Variants in LAMB4 observed in about 807,000 individuals in gnomAD.
The protein encoded by LAMB4 is laminin subunit beta-4.
A neutral mutation model predicts 199.2 loss-of-function variants in LAMB4; 196 were observed. That is an observed-to-expected ratio of 0.98 (90% CI 0.88 to 1.11). The LOEUF is 1.11. LAMB4 is among the 50% of genes least tolerant of loss of function. The pLI is 0.00. For missense variants in LAMB4, 2,080 were observed against 2,171.2 expected (o/e 0.96, Z 0.83); for synonymous variants, 744 against 770.6 (o/e 0.97, Z 0.57).
intron 23 of LAMB4, among the ~76,000 whole-genome samples, chr7:108,058,592 G>A (rs147833535): frequency 1.8e-4 from 27 of 152,300 alleles, no homozygotes; most frequent in Non-Finnish European, 2.5e-4. Flanking sequence ...CAACAACTCC[G>A]TAAGTTTCCT....
chr7:108,024,214 A>G (rs1636945), intron 33 of LAMB4, 36 bp from the exon 34 acceptor site: 105,358 of 1,296,018 alleles, frequency 0.081, 13,663 homozygotes, highest in African/African-American at 0.59. Flanking sequence ...ATATATTTCC[A>G]TTTAATGGAT....
At chr7:108,030,737 G>T in intron 32 of LAMB4, 69 bp downstream of exon 32, 1 of 1,448,430 alleles carries the variant, frequency 6.9e-7, no homozygotes, top group Non-Finnish European at 9.6e-7. Flanking sequence ...CAAAAATCTG[G>T]GGTTAAAGAA....
intron 27 of LAMB4, 134 bp downstream of exon 27, chr7:108,049,192 C>A: frequency 4.2e-6 from 1 of 239,566 alleles, no homozygotes; most frequent in Non-Finnish European, 7.7e-6. Context: ...TTTTATATAC[C>A]TACATATATT....
chr7:108,067,888 A>T, intron 19 of LAMB4, 128 bp downstream of exon 19: 1 of 1,131,084 alleles, frequency 8.8e-7, no homozygotes, highest in Non-Finnish European at 1.3e-6. Flanking sequence ...TTATGTACAT[A>T]GATAGTCTGA....
chr7:108,068,015 C>A lies in LAMB4; in HGVS notation c.2446+1G>T. 2 of 1,614,158 alleles carry A rather than the reference C, an allele frequency of 1.2e-6. No individual in the cohort carries two copies. The highest frequency in any genetic ancestry group is 1.7e-6 in the Non-Finnish European group (2 of 1,180,010). Reference sequence around the variant, plus strand: ...TTCCCCTTGTGTGTTTTGCTACGTACGGTGACAGCCGTGATGCCCCAAATC... The same window carrying A: ...TTCCCCTTGTGTGTTTTGCTACGTAAGGTGACAGCCGTGATGCCCCAAATC... On this transcript the variant is annotated splice_donor_variant, in intron 19 of 33. Coordinates refer to ENST00000388781, the MANE Select transcript of LAMB4 (RefSeq NM_007356.3). LOFTEE classifies it high-confidence loss of function.
chr7:108,097,540 C>A (rs928190095), intron 11 of LAMB4, among the ~76,000 whole-genome samples: 10 of 151,986 alleles, frequency 6.6e-5, no homozygotes, highest in African/African-American at 2.2e-4. Context: ...AATCCCAGCA[C>A]TTTGGGAGGC....
Position 108,055,982 on chromosome 7 carries a change from G to T in LAMB4, c.3405C>A (p.Thr1135=). 6.2e-7 allele frequency: 1 copy of T among 1,613,590 alleles called. No homozygotes were observed. Among genetic ancestry groups the T allele is most frequent in the Non-Finnish European group, 8.5e-7 (1 of 1,179,684 alleles). ...CIPCDCNRAG[T]QKPICDPDTG... ...TGTCTGGATCACAGATGGGCTTCTG[G>T]GTACCTGCCCTGTTACAATCACATG... Residue 1135 remains threonine, a synonymous_variant, in exon 25 of 34, where the codon ACC becomes ACA. Transcript: ENST00000388781.
chr7:108,048,796 G>A (rs565365676), intron 27 of LAMB4, among the ~76,000 whole-genome samples: 86 of 152,254 alleles, frequency 5.6e-4, no homozygotes, highest in Non-Finnish European at 1.1e-3. Context: ...AGGTTCAAGC[G>A]ATTCTCCTGC....
At chr7:108,121,624 C>T (rs2038601513) in intron 2 of LAMB4, among the ~76,000 whole-genome samples, 2 of 151,902 alleles carry the variant, frequency 1.3e-5, no homozygotes, top group African/African-American at 4.8e-5. Flanking sequence ...GGTGGGAGCA[C>T]CTGTAATCCC....
chr7:108,039,878 C>T (rs186943861), intron 29 of LAMB4, among the ~76,000 whole-genome samples: 1 of 152,296 alleles, frequency 6.6e-6, no homozygotes, highest in East Asian at 1.9e-4. Context: ...CCTCTCTTAC[C>T]ACTCCTGTTC....
chr7:108,057,788 C>T (rs1173272769), intron 24 of LAMB4, 44 bp downstream of exon 24: 4 of 1,279,108 alleles, frequency 3.1e-6, no homozygotes, highest in Non-Finnish European at 4.6e-6. Flanking sequence ...ATGGTAGGGC[C>T]AGGCTGACTG....
At chr7:108,040,319 A>G (rs1013798709) in intron 29 of LAMB4, among the ~76,000 whole-genome samples, 10 of 152,258 alleles carry the variant, frequency 6.6e-5, no homozygotes, top group Non-Finnish European at 1.3e-4. Flanking sequence ...CAATATCATT[A>G]AAATGGCTAT....
Position 108,106,573 on chromosome 7 carries a change from C to A in LAMB4, c.592-1G>T. 2 of 1,505,740 alleles carry A rather than the reference C, an allele frequency of 1.3e-6. No homozygotes were observed. Among genetic ancestry groups the A allele is most frequent in the Non-Finnish European group, 1.8e-6 (2 of 1,084,634 alleles). The allele number at this position is 1,505,740 out of a possible 1,614,324, so 93.3% of individuals were successfully genotyped here. On this transcript the variant is annotated splice_acceptor_variant, in intron 6 of 33. Transcript: ENST00000388781. LOFTEE classifies it high-confidence loss of function. ...TGGGATCCAAAACTTTTAAAACAAC[C>A]TGTAAAACAAATATAGATACATTTA...
downstream of LAMB4, among the ~76,000 whole-genome samples, chr7:108,021,214 A>G (rs1489080748): frequency 6.6e-6 from 1 of 152,154 alleles, no homozygotes. Flanking sequence ...AATTTTGATT[A>G]TAAGTTGCAG....
intron 1 of LAMB4, among the ~76,000 whole-genome samples, chr7:108,126,385 G>C (rs1053839735): frequency 2.0e-5 from 3 of 151,698 alleles, no homozygotes; most frequent in Non-Finnish European, 2.9e-5. Flanking sequence ...ATGTCTCCCC[G>C]AGCCCCTGGC....
chr7:108,037,423 T>A lies in LAMB4; in HGVS notation c.4644A>T (p.Gly1548=). Residue 1548 remains glycine (G), a synonymous_variant, in exon 30 of 34, where the codon GGA becomes GGT. Coordinates refer to ENST00000388781, the MANE Select transcript of LAMB4 (RefSeq NM_007356.3). ...DENRLNEEAD[G]AQKLLVKAKA... is the part of the protein sequence containing the mutation. ...TGGCCTTCACCAAAAGCTTTTGGGCTCCATCTGCTTCTTCATTTAACCTGT... is the reference window on the plus strand; with the variant it reads ...TGGCCTTCACCAAAAGCTTTTGGGCACCATCTGCTTCTTCATTTAACCTGT... The A allele has an allele frequency of 6.2e-7, 1 of 1,614,198 alleles. No individual in the cohort carries two copies. The highest frequency in any genetic ancestry group is 8.5e-7 in the Non-Finnish European group (1 of 1,180,014).
chr7:108,083,914 A>G (rs372598220), intron 14 of LAMB4, among the ~76,000 whole-genome samples: 1 of 152,168 alleles, frequency 6.6e-6, no homozygotes, highest in African/African-American at 2.4e-5. Context: ...TGGCTGCTAC[A>G]TGGTCTCTTG....
rs1057426165 is a variant in LAMB4, at chr7:108,119,881, G to T, written c.34+3250C>A. ...ATGACTGAGAGAAATTGGGTGAAGG[G>T]GTATATGGTCTCTCTCTGTGTTATT... On this transcript the variant is annotated intron_variant, in intron 2 of 33. Coordinates refer to ENST00000388781, the MANE Select transcript of LAMB4 (RefSeq NM_007356.3). Among the ~76,000 whole-genome samples, 4 of 151,898 alleles carry T rather than the reference G, an allele frequency of 2.6e-5. No individual in the cohort carries two copies. In the South Asian group the frequency reaches 6.2e-4, roughly 24 times the overall value.
intron 2 of LAMB4, among the ~76,000 whole-genome samples, chr7:108,122,011 C>CAGG (rs2038617211): frequency 6.6e-6 from 1 of 152,152 alleles, no homozygotes; most frequent in Non-Finnish European, 1.5e-5. Flanking sequence ...TGGTTAAGGT[C>CAGG]AGGGCAAGCT....
Sources: gnomAD v4.1 joint callset for allele counts (sites outside exome capture counted in the v4.1 genomes callset) on GRCh38, gnomAD v4.1.1 for gene constraint, MANE v1.5 for transcripts, NCBI Gene and HGNC (gene_info 2026-07-23, HGNC 2026-07-21) for gene names.